SLC5A2: variants seen among roughly 807,000 people sequenced by gnomAD.
The protein encoded by SLC5A2 is sodium/glucose cotransporter 2.
A neutral mutation model predicts 69.0 loss-of-function variants in SLC5A2; 67 were observed. The observed-to-expected ratio is 0.97, with a 90% CI of 0.80 to 1.19. The LOEUF (loss-of-function observed/expected upper bound fraction) is 1.19. Ranked by LOEUF, SLC5A2 falls within the 50% of genes most tolerant of loss-of-function variation. The probability of loss-of-function intolerance (pLI) is 0.00; values close to 1 mark genes in which losing one functional copy is unlikely to be tolerated. For synonymous variants in SLC5A2, 455 were observed against 395.8 expected, an observed-to-expected ratio of 1.15 and a Z score of -1.78; for missense variants, 1,001 against 921.5, an observed-to-expected ratio of 1.09 and a Z score of -1.12.
At position 31,489,263 on chromosome 16, in the gene SLC5A2, C is replaced by T. The variant is rs1260223418; in HGVS notation, c.1590C>T (p.Ala530=). 1.9e-6 allele frequency: 3 copies of T among 1,611,052 alleles called. No homozygotes were observed. The highest frequency in any genetic ancestry group is 1.7e-6 in the Non-Finnish European group (2 of 1,180,030). ...GCGGCGTGCACTACCTCTACTTCGC[C>T]ATTGTGCTGTTCTTCTGCTCTGGCC... ...FLCGVHYLYF[A]IVLFFCSGLL... Residue 530 remains alanine (A), a synonymous_variant, in exon 12 of 14, where the codon GCC becomes GCT. Transcript: ENST00000330498.
At position 31,490,479 on chromosome 16, in the gene SLC5A2, C is replaced by G. The variant is rs371778694; in HGVS notation, c.1963C>G (p.Leu655Val). ...CCCGAGCTGGGCCCGTGTGGTCAAC[C>G]TCAATGCCCTGCTCATGATGGCAGT... Reference protein sequence around the residue: ...EDPSWARVVNLNALLMMAVAV... With the variant: ...EDPSWARVVNVNALLMMAVAV... Residue 655 changes from leucine (L) to valine (V), a missense_variant, in exon 14 of 14, where the codon CTC becomes GTC. Leu to Val is a conservative substitution (Grantham distance 32, BLOSUM62 1). Transcript: ENST00000330498. The G allele has an allele frequency of 2.5e-6, 4 of 1,613,890 alleles. No homozygotes were observed. In the African/African-American group the frequency reaches 5.3e-5, roughly 22 times the overall value.
Position 31,488,446 on chromosome 16 carries a change from C to T in SLC5A2, c.1085C>T (p.Ser362Phe). Residue 362 changes from serine to phenylalanine, a missense_variant, in exon 9 of 14, where the codon TCC becomes TTC. Physicochemically the swap from Ser to Phe is radical, Grantham distance 155. Coordinates refer to ENST00000330498, the MANE Select transcript of SLC5A2 (RefSeq NM_003041.4). ...RRVCGTEVGC[S>F]NIAYPRLVVK... ...GTGTGCGGCACGGAGGTGGGCTGCT[C>T]CAACATCGCCTACCCGCGGCTCGTC... is the stretch of plus-strand genomic sequence containing the variant. 1.9e-6 allele frequency: 3 copies of T among 1,611,398 alleles called. No individual in the cohort carries two copies. The highest frequency in any genetic ancestry group is 2.5e-6 in the Non-Finnish European group (3 of 1,179,592).
rs1378734725 is a variant in SLC5A2 at position 31,490,692 on chromosome 16, T to A, written c.*157T>A. 38 of 1,110,390 alleles carry A rather than the reference T, an allele frequency of 3.4e-5. No homozygotes were observed. Among genetic ancestry groups the A allele is most frequent in the Non-Finnish European group, 4.8e-5 (36 of 743,844 alleles). The allele number at this position is 1,110,390 out of a possible 1,614,324, so 68.8% of individuals were successfully genotyped here. A position where few individuals can be genotyped will look rare whatever the true frequency, so the allele number is the denominator to read the frequency against. On this transcript the variant is annotated 3_prime_UTR_variant, in exon 14 of 14. Transcript: ENST00000330498. ...CTGCCTGGGGCCCACTGCATCTGAT[T>A]GGCAGTCACTTCCCATGAGGGCCTG...
At chr16:31,488,251 C>T (rs1403330681) in intron 8 of SLC5A2, 78 bp downstream of exon 8, 1 of 1,610,730 alleles carries the variant, frequency 6.2e-7, no homozygotes, top group Non-Finnish European at 8.5e-7. Context: ...TCCTAAGACT[C>T]GGCAGTTTGG....
intron 5 of SLC5A2, among the ~76,000 whole-genome samples, chr16:31,486,722 T>C (rs1193621688): frequency 2.0e-5 from 3 of 152,166 alleles, no homozygotes; most frequent in Non-Finnish European, 2.9e-5. Context: ...GTATAGGACC[T>C]TAGACAATCA....
Position 31,488,647 on chromosome 16 carries a change from CATGCTG to C in SLC5A2, c.1156_1161del (p.Met386_Leu387del). The C allele has an allele frequency of 6.2e-7, 1 of 1,611,904 alleles. No individual in the cohort carries two copies. Among genetic ancestry groups the C allele is most frequent in the Non-Finnish European group, 8.5e-7 (1 of 1,179,402 alleles). Reference sequence around the variant, plus strand: ...GTCTGCGCGGACTCATGCTGGCGGTCATGCTGGCCGCGCTCATGTCCTCGCTGGCCT... The same window carrying C: ...GTCTGCGCGGACTCATGCTGGCGGTCGCCGCGCTCATGTCCTCGCTGGCCT... On this transcript the variant is annotated inframe_deletion, in exon 10 of 14. Transcript: ENST00000330498.
Position 31,483,132 on chromosome 16 carries a change from G to A in SLC5A2, c.-5G>A. On this transcript the variant is annotated 5_prime_UTR_variant, in exon 1 of 14. Transcript: ENST00000330498. ...GGTTCCTGGATGGGGCAGATCCTGG[G>A]GAGAATGGAGGAGCACACAGAGGCA... The A allele has an allele frequency of 6.2e-7, 1 of 1,613,942 alleles. No individual in the cohort carries two copies. The highest frequency in any genetic ancestry group is 8.5e-7 in the Non-Finnish European group (1 of 1,180,016).
Position 31,490,349 on chromosome 16 carries a change from G to A in SLC5A2, c.1833G>A (p.Leu611=). The change falls in exon 14 of 14, where the codon CTG becomes CTA. Residue 611 remains leucine, a synonymous_variant. Coordinates refer to ENST00000330498, the MANE Select transcript of SLC5A2 (RefSeq NM_003041.4). ...APAPSLFRQC[L]LWFCGMSRGG... is the part of the protein sequence containing the mutation. ...CACCAAGCCTCTTCCGCCAGTGCCT[G>A]CTCTGGTTTTGTGGAATGAGCAGAG... 6.2e-7 allele frequency: 1 copy of A among 1,612,922 alleles called. No individual in the cohort carries two copies. Among genetic ancestry groups the A allele is most frequent in the Non-Finnish European group, 8.5e-7 (1 of 1,179,566 alleles).
At chr16:31,487,807 A>G (rs370391017) in intron 7 of SLC5A2, 48 bp downstream of exon 7, 6 of 1,543,146 alleles carry the variant, frequency 3.9e-6, no homozygotes, top group African/African-American at 2.7e-5. Context: ...CGGAGCCGAG[A>G]CGGGCGGAGC....
chr16:31,486,675 C>T (rs895822755), intron 5 of SLC5A2, among the ~76,000 whole-genome samples: 9 of 152,158 alleles, frequency 5.9e-5, no homozygotes, highest in Non-Finnish European at 7.3e-5. Context: ...TGCCAAGGCC[C>T]GCTTGAGGGA....
Position 31,490,519 on chromosome 16 carries a change from G to A in SLC5A2, c.2003G>A (p.Trp668Ter). Residue 668 changes from tryptophan (W) to a stop codon, truncating the protein, a stop_gained, in exon 14 of 14, where the codon TGG (tryptophan) becomes TAG (stop). Coordinates refer to ENST00000330498, the MANE Select transcript of SLC5A2 (RefSeq NM_003041.4). LOFTEE classifies it high-confidence loss of function. ...ATGATGGCAGTGGCCGTGTTCCTCT[G>A]GGGCTTCTATGCCTAAGACCAACTG... is the stretch of plus-strand genomic sequence containing the variant. ...LLMMAVAVFLWGFYA is the reference protein window; with the variant it reads ...LLMMAVAVFL 2 of 1,612,484 alleles carry A rather than the reference G, an allele frequency of 1.2e-6. No homozygotes were observed. The highest frequency in any genetic ancestry group is 1.7e-5 in the Admixed American group (1 of 59,792).
In SLC5A2 at chr16:31,489,169, G is replaced by A. The variant is rs757850961; in HGVS notation, c.1496G>A (p.Arg499His). Reference sequence around the variant, plus strand: ...GGGGGCCTGCTGATGGGCCTGGCACGCCTGATTCCCGAGTTCTCCTTCGGC... The same window carrying A: ...GGGGGCCTGCTGATGGGCCTGGCACACCTGATTCCCGAGTTCTCCTTCGGC... The part of the protein sequence containing the change: ...LIGGLLMGLA[R>H]LIPEFSFGSG... Residue 499 changes from arginine to histidine, a missense_variant, in exon 12 of 14, where the codon CGC becomes CAC. Transcript: ENST00000330498. 1.2e-6 allele frequency: 2 copies of A among 1,610,044 alleles called. No homozygotes were observed. Among genetic ancestry groups the A allele is most frequent in the Non-Finnish European group, 1.7e-6 (2 of 1,179,994 alleles).
In SLC5A2 at chr16:31,488,374, C is replaced by T; in HGVS notation, c.1022-9C>T. 1 of 1,610,832 alleles carries T rather than the reference C, an allele frequency of 6.2e-7. No individual in the cohort carries two copies. Among genetic ancestry groups the T allele is most frequent in the Non-Finnish European group, 8.5e-7 (1 of 1,179,682 alleles). ...CCGTCCTAACGGCGCGGTGGCCTCT[C>T]TCTGGCAGACGAGGTGGCGTGCGTG... On this transcript the variant is annotated splice_polypyrimidine_tract_variant and intron_variant, in intron 8 of 13. Coordinates refer to ENST00000330498, the MANE Select transcript of SLC5A2 (RefSeq NM_003041.4).
At chr16:31,487,186 G>T (rs1310470263) in intron 5 of SLC5A2, 134 bp from the exon 6 acceptor site, 2 of 912,762 alleles carry the variant, frequency 2.2e-6, no homozygotes, top group Non-Finnish European at 3.6e-6. Context: ...CATGAGCCCC[G>T]AGAACAGGCT....
rs376383139 is a variant in SLC5A2, at chr16:31,487,846, G to A, written c.885+87G>A. ...AGTCCCTCCCCGCCTTCCCCACAAC[G>A]GTCTAAGGCGCAGTCTGAGGGGCGG... On this transcript the variant is annotated intron_variant, in intron 7 of 13. Coordinates refer to ENST00000330498, the MANE Select transcript of SLC5A2 (RefSeq NM_003041.4). The A allele has an allele frequency of 2.8e-6, 4 of 1,443,058 alleles. No homozygotes were observed. In the African/African-American group the frequency reaches 5.6e-5, roughly 20 times the overall value. The allele number at this position is 1,443,058 out of a possible 1,614,324, so 89.4% of individuals were successfully genotyped here.
intron 1 of SLC5A2, 57 bp downstream of exon 1, chr16:31,483,319 A>T (rs1407048177): frequency 6.2e-7 from 1 of 1,606,280 alleles, no homozygotes; most frequent in African/African-American, 1.3e-5. Flanking sequence ...CCTGGGGGAA[A>T]AGTCTCAGGG....
intron 7 of SLC5A2, 86 bp downstream of exon 7, chr16:31,487,845 C>A: frequency 4.2e-6 from 6 of 1,438,182 alleles, no homozygotes; most frequent in East Asian, 2.5e-5. Context: ...TTCCCCACAA[C>A]GGTCTAAGGC....
At chr16:31,485,027 A>G (rs2082484902) in intron 3 of SLC5A2, 104 bp downstream of exon 3, 1 of 1,024,140 alleles carries the variant, frequency 9.8e-7, no homozygotes, top group South Asian at 1.4e-5. Context: ...TGGCAGTGGG[A>G]CTTCCCAACT....
At chr16:31,484,634 G>C (rs1195163253) in intron 1 of SLC5A2, 39 bp from the exon 2 acceptor site, 1 of 1,592,092 alleles carries the variant, frequency 6.3e-7, no homozygotes, top group East Asian at 2.2e-5. Flanking sequence ...GTCCAAGGCT[G>C]TGCCCTAAAC....
Sources: allele counts gnomAD v4.1 joint callset (sites outside exome capture counted in the v4.1 genomes callset), GRCh38; gene constraint gnomAD v4.1.1; transcripts MANE v1.5; gene names NCBI Gene and HGNC (gene_info 2026-07-23, HGNC 2026-07-21).